CAMK1D: variants seen among roughly 807,000 people sequenced by gnomAD.
CAMK1D encodes the protein calcium/calmodulin-dependent protein kinase type 1D.
CAMK1D carries 9 observed loss-of-function variants against 47.7 expected under a neutral mutation model. The observed-to-expected ratio is 0.19, with a 90% CI of 0.11 to 0.33. The LOEUF is 0.33. Among genes scored for constraint, CAMK1D ranks in the 10% least tolerant of loss-of-function variants. The pLI, the probability that CAMK1D is intolerant of heterozygous loss-of-function variation, is 1.00. For synonymous variants in CAMK1D, 184 were observed against 184.9 expected (o/e 0.99, Z 0.04); for missense variants, 291 against 488.7 (o/e 0.60, Z 3.81).
chr10:12,573,109 T>G (rs1225033651), intron 2 of CAMK1D, among the ~76,000 whole-genome samples: 1 of 152,188 alleles, frequency 6.6e-6, no homozygotes, highest in Non-Finnish European at 1.5e-5. Context: ...TGCTGTTCAT[T>G]TGGACACTTC....
At chr10:12,732,813 G>A (rs1834956940) in intron 3 of CAMK1D, among the ~76,000 whole-genome samples, 1 of 152,006 alleles carries the variant, frequency 6.6e-6, no homozygotes, top group Non-Finnish European at 1.5e-5. Flanking sequence ...GCATCCGATA[G>A]GATCACCTAG....
chr10:12,699,355 G>A (rs1167625215), intron 3 of CAMK1D, among the ~76,000 whole-genome samples: 1 of 152,038 alleles, frequency 6.6e-6, no homozygotes, highest in Non-Finnish European at 1.5e-5. Flanking sequence ...CTCTGATTGT[G>A]CTTTTTCTGG....
chr10:12,361,246 C>CTTTTTT (rs1246719698), intron 1 of CAMK1D, among the ~76,000 whole-genome samples: 1 of 86,684 alleles, frequency 1.2e-5, no homozygotes, highest in Admixed American at 2.0e-4. Flanking sequence ...TCCTATTTGA[C>CTTTTTT]TGTTTTTTTT....
At chr10:12,662,295 A>T (rs750474539) in intron 2 of CAMK1D, among the ~76,000 whole-genome samples, 2 of 152,222 alleles carry the variant, frequency 1.3e-5, no homozygotes, top group African/African-American at 2.4e-5. Flanking sequence ...GGAATCCAGA[A>T]TGATTGGATT....
intron 1 of CAMK1D, 74 bp from the exon 2 acceptor site, chr10:12,553,150 GT>G (rs1392215710): frequency 6.2e-7 from 1 of 1,606,166 alleles, no homozygotes; most frequent in Non-Finnish European, 8.5e-7. Flanking sequence ...TCAAACTTCG[GT>G]GGTAGGGTGA....
chr10:12,660,753 T>C (rs1234627891), intron 2 of CAMK1D, among the ~76,000 whole-genome samples: 3 of 152,264 alleles, frequency 2.0e-5, no homozygotes, highest in African/African-American at 7.2e-5. Context: ...TGATAAGTGA[T>C]GAAAATTAAG....
At chr10:12,603,619 G>A (rs1360551524) in intron 2 of CAMK1D, among the ~76,000 whole-genome samples, 1 of 152,170 alleles carries the variant, frequency 6.6e-6, no homozygotes, top group Non-Finnish European at 1.5e-5. Flanking sequence ...CATGAGAAGG[G>A]TGCAGAAGGC....
At chr10:12,601,201 T>G (rs796163276) in intron 2 of CAMK1D, among the ~76,000 whole-genome samples, 9 of 109,384 alleles carry the variant, frequency 8.2e-5, no homozygotes, top group Middle Eastern at 4.8e-3. Context: ...TTGTTTTTTT[T>G]TTTTTTTTGC....
chr10:12,626,149 A>G (rs1204777521), intron 2 of CAMK1D, among the ~76,000 whole-genome samples: 1 of 152,126 alleles, frequency 6.6e-6, no homozygotes, highest in East Asian at 1.9e-4. Flanking sequence ...ATATGTGATT[A>G]GTTTTCTTTT....
At chr10:12,428,006 G>A (rs1408257211) in intron 1 of CAMK1D, among the ~76,000 whole-genome samples, 4 of 151,650 alleles carry the variant, frequency 2.6e-5, no homozygotes, top group African/African-American at 4.8e-5. Context: ...GTGCCCAGCC[G>A]CTCTTTATTT....
At chr10:12,719,663 G>A (rs1381008270) in intron 3 of CAMK1D, among the ~76,000 whole-genome samples, 1 of 152,266 alleles carries the variant, frequency 6.6e-6, no homozygotes, top group Non-Finnish European at 1.5e-5. Flanking sequence ...CTAGGAAACT[G>A]AAGGAACTCA....
At chr10:12,615,634 C>T (rs1334773302) in intron 2 of CAMK1D, among the ~76,000 whole-genome samples, 1 of 145,660 alleles carries the variant, frequency 6.9e-6, no homozygotes, top group Non-Finnish European at 1.5e-5. Context: ...AGTGTGAGTG[C>T]ACGTGTTTGT....
chr10:12,752,726 T>G (rs971450036), intron 3 of CAMK1D, among the ~76,000 whole-genome samples: 1 of 152,240 alleles, frequency 6.6e-6, no homozygotes, highest in Non-Finnish European at 1.5e-5. Flanking sequence ...TGAGCATATG[T>G]AATTGAATAA....
At chr10:12,741,613 G>A (rs899908577) in intron 3 of CAMK1D, among the ~76,000 whole-genome samples, 1 of 136,094 alleles carries the variant, frequency 7.3e-6, no homozygotes, top group Non-Finnish European at 1.6e-5. Context: ...ATTTACAAAT[G>A]TAGAGAGAAT....
intron 3 of CAMK1D, among the ~76,000 whole-genome samples, chr10:12,722,972 G>A (rs1345126168): frequency 2.6e-5 from 4 of 152,182 alleles, no homozygotes; most frequent in East Asian, 1.9e-4. Flanking sequence ...GTGGAAAATG[G>A]TGTGGGCTGG....
intron 1 of CAMK1D, among the ~76,000 whole-genome samples, chr10:12,396,774 T>C (rs768827103): frequency 2.6e-5 from 4 of 152,190 alleles, no homozygotes; most frequent in Non-Finnish European, 4.4e-5. Flanking sequence ...TCCAGCCACG[T>C]AGGCTCCCCG....
intron 1 of CAMK1D, among the ~76,000 whole-genome samples, chr10:12,478,679 G>A (rs1236527145): frequency 6.6e-6 from 1 of 152,080 alleles, no homozygotes; most frequent in Non-Finnish European, 1.5e-5. Flanking sequence ...GGATCTCTGT[G>A]GATCTTGAAA....
rs567786472 is a variant in CAMK1D, at chr10:12,624,480, G to A, written c.225-42256G>A. On this transcript the variant is annotated intron_variant, in intron 2 of 10. Coordinates refer to ENST00000619168, the MANE Select transcript of CAMK1D (RefSeq NM_153498.4). ...AACTGGATTATCTTAGATACCCTGC[G>A]TAAGTGGAGTCATGCAGTATTTGTC... Among the ~76,000 whole-genome samples, 13 of 152,264 alleles carry A rather than the reference G, an allele frequency of 8.5e-5. No individual in the cohort carries two copies. In the South Asian group the frequency reaches 1.2e-3, roughly 15 times the overall value.
chr10:12,472,079 G>A (rs572910876), intron 1 of CAMK1D, among the ~76,000 whole-genome samples: 1 of 151,560 alleles, frequency 6.6e-6, no homozygotes, highest in South Asian at 2.1e-4. Context: ...AAAAGGAAAA[G>A]CTGTCTCTGA....
Sources: allele counts gnomAD v4.1 joint callset (sites outside exome capture counted in the v4.1 genomes callset), GRCh38; gene constraint gnomAD v4.1.1; transcripts MANE v1.5; gene names NCBI Gene and HGNC (gene_info 2026-07-23, HGNC 2026-07-21).